Variants in AXIN1 observed in about 807,000 individuals in gnomAD.
The protein encoded by AXIN1 is axin 1, also known as axin-1.
AXIN1 carries 30 observed loss-of-function variants against 76.4 expected under a neutral mutation model. That is an observed-to-expected ratio of 0.39 (90% CI 0.29 to 0.53). The LOEUF is 0.53. Ranked by LOEUF, AXIN1 falls within the 20% of genes least tolerant of loss-of-function variation. AXIN1 has a pLI of 0.66. For synonymous variants in AXIN1, 545 were observed against 501.4 expected, an observed-to-expected ratio of 1.09 and a Z score of -1.16; for missense variants, 1,140 against 1,198.8, an observed-to-expected ratio of 0.95 and a Z score of 0.72.
At chr16:347,839 A>G (rs1002951327) in intron 1 of AXIN1, among the ~76,000 whole-genome samples, 2 of 152,246 alleles carry the variant, frequency 1.3e-5, no homozygotes, top group Non-Finnish European at 2.9e-5. Context: ...CACTGGAGAC[A>G]ATCTTAAAAT....
At chr16:348,942 CA>C (rs1295403904) in intron 1 of AXIN1, among the ~76,000 whole-genome samples, 4 of 150,980 alleles carry the variant, frequency 2.6e-5, no homozygotes, top group African/African-American at 7.3e-5. Context: ...ACTAAAAATA[CA>C]AAAAATTAGC....
rs562247902 is a variant in AXIN1, at chr16:298,204, C to A, written c.1302G>T (p.Pro434=). The A allele has an allele frequency of 6.2e-5, 96 of 1,541,304 alleles. No individual in the cohort carries two copies. In the South Asian group the frequency reaches 1.0e-3, roughly 17 times the overall value. The change falls in exon 6 of 11, where the codon CCG becomes CCT. Residue 434 remains proline, a synonymous_variant. Coordinates refer to ENST00000262320, the MANE Select transcript of AXIN1 (RefSeq NM_003502.4). ...CGGGGGCGGGAGGCAGCTTGTGACA[C>A]GGCCCTGGGGGCCCTGACGATGGAT... ...DGDPSSGPPG[P]CHKLPPAPAW...
chr16:352,397 C>A lies in AXIN1; in HGVS notation c.-110G>T. Reference sequence around the variant, plus strand: ...CGCGCGGTGGTGGCGGGACCCCGGGCCCGGCTCCCGGAGCGGCGCGGCGCG... The same window carrying A: ...CGCGCGGTGGTGGCGGGACCCCGGGACCGGCTCCCGGAGCGGCGCGGCGCG... On this transcript the variant is annotated 5_prime_UTR_variant, in exon 1 of 11. Transcript: ENST00000262320. 1 of 957,916 alleles carries A rather than the reference C, an allele frequency of 1.0e-6. No homozygotes were observed. Among genetic ancestry groups the A allele is most frequent in the Non-Finnish European group, 1.2e-6 (1 of 820,378 alleles). 59.3% of individuals were successfully genotyped at this position (957,916 alleles called of 1,614,324 possible).
chr16:322,896 T>TCCCA, intron 2 of AXIN1, among the ~76,000 whole-genome samples: 1 of 152,258 alleles, frequency 6.6e-6, no homozygotes, highest in East Asian at 1.9e-4. Context: ...TGCAGCTGCG[T>TCCCA]CCCAGCTCTG....
intron 2 of AXIN1, among the ~76,000 whole-genome samples, chr16:319,248 G>C (rs1414706329): frequency 2.0e-5 from 3 of 152,126 alleles, no homozygotes; most frequent in Non-Finnish European, 4.4e-5. Context: ...TAAGGCAGGA[G>C]ACTCGCTGGA....
In AXIN1 at chr16:313,465, A is replaced by G. The variant is rs137862931; in HGVS notation, c.1019+1078T>C. Among the ~76,000 whole-genome samples, 11 of 152,382 alleles carry G rather than the reference A, an allele frequency of 7.2e-5. No individual in the cohort carries two copies. The East Asian group carries it at 1.9e-3, about 27-fold the overall frequency. ...CATGGAGAACCCAGCTAAGCGGGAAAGACATCTGGGACACCACTGGCCGCA... is the reference window on the plus strand; with the variant it reads ...CATGGAGAACCCAGCTAAGCGGGAAGGACATCTGGGACACCACTGGCCGCA... On this transcript the variant is annotated intron_variant, in intron 3 of 10. Coordinates refer to ENST00000262320, the MANE Select transcript of AXIN1 (RefSeq NM_003502.4).
Position 297,259 on chromosome 16 carries a change from C to T in AXIN1, c.1785-33G>A, listed in dbSNP as rs568455594. 5.9e-5 allele frequency: 94 copies of T among 1,600,774 alleles called. 1 individual carries two copies. In the South Asian group the frequency reaches 9.6e-4, roughly 16 times the overall value. Reference sequence around the variant, plus strand: ...GGCAAGAGCTGCGAGTCGCCCTGGCCTCCGGTGGCCGAGGCTGTGCCCCTT... The same window carrying T: ...GGCAAGAGCTGCGAGTCGCCCTGGCTTCCGGTGGCCGAGGCTGTGCCCCTT... On this transcript the variant is annotated intron_variant, in intron 6 of 10. Transcript: ENST00000262320.
chr16:289,602 C>G lies in AXIN1; in HGVS notation c.2300G>C (p.Arg767Thr). 6.2e-7 allele frequency: 1 copy of G among 1,612,774 alleles called. No homozygotes were observed. The highest frequency in any genetic ancestry group is 8.5e-7 in the Non-Finnish European group (1 of 1,179,902). Residue 767 changes from arginine to threonine, a missense_variant, in exon 10 of 11, where the codon AGA becomes ACA. By Grantham distance (71) the Arg-to-Thr change is moderately conservative (BLOSUM62 -1). Coordinates refer to ENST00000262320, the MANE Select transcript of AXIN1 (RefSeq NM_003502.4). ...SDMELSETET[R>T]SQRKVGGGSA... Reference sequence around the variant, plus strand: ...CCCGCCGCCCACCTTCCTCTGCGATCTTGTCCTGGGGAAAGAGATGCAGCG... The same window carrying G: ...CCCGCCGCCCACCTTCCTCTGCGATGTTGTCCTGGGGAAAGAGATGCAGCG...
intron 2 of AXIN1, among the ~76,000 whole-genome samples, chr16:320,671 ATGTATATATGTG>A (rs1280472394): frequency 1.3e-5 from 2 of 150,108 alleles, no homozygotes; most frequent in East Asian, 3.9e-4. Context: ...ATATATGTAA[ATGTATATATGTG>A]TGTATATATG....
chr16:336,425 G>A (rs964853897), intron 2 of AXIN1, among the ~76,000 whole-genome samples: 2 of 152,194 alleles, frequency 1.3e-5, no homozygotes, highest in Non-Finnish European at 2.9e-5. Flanking sequence ...ATTAATATGT[G>A]TCAGCCCTGA....
intron 2 of AXIN1, 70 bp from the exon 3 acceptor site, chr16:314,753 A>G (rs2141595173): frequency 6.3e-7 from 1 of 1,594,482 alleles, no homozygotes; most frequent in Non-Finnish European, 8.5e-7. Context: ...TCACATTTTC[A>G]TGTTATCTGA....
At position 342,087 on chromosome 16, in the gene AXIN1, G is replaced by C. The variant is rs922096864; in HGVS notation, c.878+4061C>G. On this transcript the variant is annotated intron_variant, in intron 2 of 10. Transcript: ENST00000262320. ...GGGAGCCAGCAGTGGTAACTCGCTC[G>C]GGTCCCCTTCCATAGTGTGGAAGCT... is the stretch of plus-strand genomic sequence containing the variant. Among the ~76,000 whole-genome samples the C allele has an allele frequency of 1.2e-4, 18 of 152,192 alleles. No homozygotes were observed. The South Asian group carries it at 2.9e-3, about 25-fold the overall frequency.
chr16:312,712 G>T (rs550108972), intron 3 of AXIN1, among the ~76,000 whole-genome samples: 30 of 152,336 alleles, frequency 2.0e-4, no homozygotes, highest in African/African-American at 6.3e-4. Context: ...ACACACAGCA[G>T]CTCTGCCCGG....
intron 2 of AXIN1, among the ~76,000 whole-genome samples, chr16:316,937 AG>A (rs1025993792): frequency 1.4e-4 from 21 of 152,194 alleles, no homozygotes; most frequent in African/African-American, 4.8e-4. Context: ...GGATCTCCAC[AG>A]GTCACAGTGA....
At chr16:341,018 G>A (rs1214974521) in intron 2 of AXIN1, among the ~76,000 whole-genome samples, 1 of 152,238 alleles carries the variant, frequency 6.6e-6, no homozygotes, top group Non-Finnish European at 1.5e-5. Context: ...TAGCCTCCAG[G>A]ACAGAGGGGT....
chr16:335,480 A>C (rs2053783982), intron 2 of AXIN1, among the ~76,000 whole-genome samples: 1 of 152,072 alleles, frequency 6.6e-6, no homozygotes, highest in Admixed American at 6.6e-5. Context: ...CCAATAACAT[A>C]GCACTCAGTA....
At chr16:349,219 T>C (rs2054094506) in intron 1 of AXIN1, among the ~76,000 whole-genome samples, 1 of 152,240 alleles carries the variant, frequency 6.6e-6, no homozygotes, top group African/African-American at 2.4e-5. Flanking sequence ...TAAGGACTTT[T>C]TGTGAACGCT....
chr16:301,964 C>A (rs1391003203), intron 5 of AXIN1, among the ~76,000 whole-genome samples: 1 of 152,202 alleles, frequency 6.6e-6, no homozygotes, highest in Non-Finnish European at 1.5e-5. Flanking sequence ...CGGATGTGGC[C>A]TGCGGACATG....
At chr16:350,311 G>A (rs766477672) in intron 1 of AXIN1, among the ~76,000 whole-genome samples, 3 of 152,176 alleles carry the variant, frequency 2.0e-5, no homozygotes, top group Non-Finnish European at 4.4e-5. Context: ...GTACACACAA[G>A]TACACACCAC....
Sources: gnomAD v4.1 joint callset for allele counts (sites outside exome capture counted in the v4.1 genomes callset) on GRCh38, gnomAD v4.1.1 for gene constraint, MANE v1.5 for transcripts, NCBI Gene and HGNC (gene_info 2026-07-23, HGNC 2026-07-21) for gene names.